The following PARD3B variants were observed in gnomAD, a reference collection of about 807,000 sequenced individuals.
PARD3B encodes the protein par-3 family cell polarity regulator beta.
Under a neutral mutation model 130.2 loss-of-function variants are expected in PARD3B, and 103 were observed. The observed-to-expected ratio is 0.79, with a 90% CI of 0.67 to 0.93. PARD3B has a LOEUF of 0.93. PARD3B is among the 40% of genes least tolerant of loss of function. The probability of loss-of-function intolerance (pLI) is 0.00; values close to 1 mark genes in which losing one functional copy is unlikely to be tolerated. For missense variants in PARD3B, 1,609 were observed against 1,499.2 expected (o/e 1.07, Z -1.21); for synonymous variants, 583 against 553.2 (o/e 1.05, Z -0.76).
intron 18 of PARD3B, among the ~76,000 whole-genome samples, chr2:205,395,115 G>A (rs1314950224): frequency 6.6e-6 from 1 of 152,068 alleles, no homozygotes; most frequent in East Asian, 1.9e-4. Flanking sequence ...TATGGTATAA[G>A]CCAAATTGAA....
chr2:204,553,685 TATATATATATAC>T (rs1255573871), intron 1 of PARD3B, among the ~76,000 whole-genome samples: 27 of 77,844 alleles, frequency 3.5e-4, no homozygotes, highest in African/African-American at 1.3e-3. Context: ...TATATATATA[TATATATATATAC>T]ACACATATAT....
chr2:205,453,726 A>G (rs891984672), intron 20 of PARD3B, among the ~76,000 whole-genome samples: 6 of 152,334 alleles, frequency 3.9e-5, no homozygotes, highest in African/African-American at 1.2e-4. Flanking sequence ...AGTGTGATCA[A>G]TGAATATTTG....
intron 2 of PARD3B, among the ~76,000 whole-genome samples, chr2:204,885,780 T>C (rs983306953): frequency 3.9e-5 from 6 of 152,202 alleles, no homozygotes; most frequent in Admixed American, 3.9e-4. Flanking sequence ...CAAAGTTAAA[T>C]GGTGATAACC....
chr2:205,438,009 C>T (rs1177014659), intron 19 of PARD3B, among the ~76,000 whole-genome samples: 2 of 151,992 alleles, frequency 1.3e-5, no homozygotes, highest in African/African-American at 4.8e-5. Flanking sequence ...GTCTCTTCTG[C>T]CACCATACAC....
intron 2 of PARD3B, among the ~76,000 whole-genome samples, chr2:204,927,026 C>G (rs990830714): frequency 2.6e-5 from 4 of 151,946 alleles, no homozygotes; most frequent in African/African-American, 9.7e-5. Context: ...TGATACCCCC[C>G]CAAAAAGAAA....
chr2:205,193,584 C>G (rs2036510920), intron 15 of PARD3B, among the ~76,000 whole-genome samples: 1 of 152,180 alleles, frequency 6.6e-6, no homozygotes, highest in East Asian at 1.9e-4. Context: ...AAAAATGATT[C>G]CTTCTGGAGG....
At position 205,427,600 on chromosome 2, in the gene PARD3B, C is replaced by CT. The variant is rs962015775; in HGVS notation, c.2742-12763dup. Among the ~76,000 whole-genome samples, 5 of 152,006 alleles carry CT rather than the reference C, an allele frequency of 3.3e-5. No homozygotes were observed. In the South Asian group the frequency reaches 8.3e-4, roughly 25 times the overall value. On this transcript the variant is annotated intron_variant, in intron 19 of 22. Transcript: ENST00000406610. ...GCATCTAAATATATAAACATGCTTG[C>CT]TTTTTTTAAAGAAACAAATATAGTT...
At chr2:204,633,758 G>C (rs956552570) in intron 1 of PARD3B, among the ~76,000 whole-genome samples, 1 of 152,162 alleles carries the variant, frequency 6.6e-6, no homozygotes, top group African/African-American at 2.4e-5. Context: ...GTTGCAGTGA[G>C]CTGAGATCAT....
chr2:204,675,672 G>T lies in PARD3B; in HGVS notation c.121-10509G>T, dbSNP rs1023807373. Among the ~76,000 whole-genome samples, 1 of 152,074 alleles carries T rather than the reference G, an allele frequency of 6.6e-6. No homozygotes were observed. Among genetic ancestry groups the T allele is most frequent in the South Asian group, 2.1e-4 (1 of 4,812 alleles). ...TAAAGCCCTTTATATAAAGAAAACC[G>T]CTGAGATTATAGTTACTTCACAAAG... On this transcript the variant is annotated intron_variant, in intron 1 of 22. Coordinates refer to ENST00000406610, the MANE Select transcript of PARD3B (RefSeq NM_001302769.2). This position sits in a 1 kb window ranked among gnomAD's most constrained non-coding sequence, Gnocchi z 4.4.
chr2:205,210,146 G>T (rs1006318271), intron 15 of PARD3B, among the ~76,000 whole-genome samples: 1 of 151,760 alleles, frequency 6.6e-6, no homozygotes, highest in Admixed American at 6.6e-5. Flanking sequence ...TGGGAGGATC[G>T]TTTCACCCTG....
In PARD3B at chr2:205,301,986, G is replaced by A; in HGVS notation, c.2630+285G>A. On this transcript the variant is annotated intron_variant, in intron 18 of 22. Transcript: ENST00000406610. This position sits in a 1 kb window ranked among gnomAD's most constrained non-coding sequence, Gnocchi z 5.2. ...TAATCTCAGTACTTTGGGAGGCTGG[G>A]AGGATTGCTTGAGCCCAAGAGTTCA... is the stretch of plus-strand genomic sequence containing the variant. 4.4e-6 allele frequency: 3 copies of A among 681,672 alleles called. No individual in the cohort carries two copies. The highest frequency in any genetic ancestry group is 8.0e-6 in the Non-Finnish European group (3 of 373,570). 42.2% of individuals were successfully genotyped at this position (681,672 alleles called of 1,614,324 possible). A position where few individuals can be genotyped will look rare whatever the true frequency, so the allele number is the denominator to read the frequency against.
intron 21 of PARD3B, among the ~76,000 whole-genome samples, chr2:205,502,115 C>T (rs149828292): frequency 6.6e-5 from 10 of 152,280 alleles, no homozygotes; most frequent in African/African-American, 1.4e-4. Context: ...CCTCTCCCCA[C>T]GCCAAGGAAA....
At position 204,989,639 on chromosome 2, in the gene PARD3B, A is replaced by G. The variant is rs145888126; in HGVS notation, c.394+24316A>G. ...CTTTGCTTTTCTTTATAATTTTACC[A>G]TGAATTTTCATATCTCTATGGAGTT... On this transcript the variant is annotated intron_variant, in intron 3 of 22. Transcript: ENST00000406610. 8.3e-3 allele frequency among the ~76,000 whole-genome samples: 1,267 copies of G among 152,148 alleles called. 19 individuals are homozygous for G. Among genetic ancestry groups the G allele is most frequent in the African/African-American group, 0.029 (1,215 of 41,512 alleles).
In PARD3B at chr2:205,446,896, A is replaced by C. The variant is rs1014441877; in HGVS notation, c.3044+6224A>C. 1.3e-5 allele frequency among the ~76,000 whole-genome samples: 2 copies of C among 152,188 alleles called. No individual in the cohort carries two copies. Among genetic ancestry groups the C allele is most frequent in the Non-Finnish European group, 2.9e-5 (2 of 68,022 alleles). ...AAAACTTTATGTCTGGATGAGGACA[A>C]AACAGTTCCAAATAGGGGGCTAGAA... On this transcript the variant is annotated intron_variant, in intron 20 of 22. Coordinates refer to ENST00000406610, the MANE Select transcript of PARD3B (RefSeq NM_001302769.2). The surrounding 1 kb of genome is among the most constrained non-coding windows in gnomAD (Gnocchi z 4.4).
chr2:205,091,489 G>C lies in PARD3B; in HGVS notation c.505-12937G>C, dbSNP rs1178615039. ...CTCCCCACATTCACTCAGGCTTGTT[G>C]TTGTTGTTTCTAGCAACCACCACCT... is the stretch of plus-strand genomic sequence containing the variant. On this transcript the variant is annotated intron_variant, in intron 4 of 22. Coordinates refer to ENST00000406610, the MANE Select transcript of PARD3B (RefSeq NM_001302769.2). This position sits in a 1 kb window ranked among gnomAD's most constrained non-coding sequence, Gnocchi z 4.2. Among the ~76,000 whole-genome samples the C allele has an allele frequency of 6.6e-6, 1 of 152,106 alleles. No individual in the cohort carries two copies. The highest frequency in any genetic ancestry group is 1.9e-4 in the East Asian group (1 of 5,198).
At chr2:205,251,626 T>C (rs2039853928) in intron 16 of PARD3B, among the ~76,000 whole-genome samples, 1 of 152,180 alleles carries the variant, frequency 6.6e-6, no homozygotes, top group African/African-American at 2.4e-5. Context: ...CATACTTTTA[T>C]AGAATATTAA....
At chr2:205,376,465 A>G (rs1559716874) in intron 18 of PARD3B, among the ~76,000 whole-genome samples, 1 of 152,186 alleles carries the variant, frequency 6.6e-6, no homozygotes, top group Non-Finnish European at 1.5e-5. Context: ...TGAGGATGGG[A>G]GAAGCCCAAG....
At chr2:204,909,696 C>T (rs2047164884) in intron 2 of PARD3B, among the ~76,000 whole-genome samples, 1 of 152,050 alleles carries the variant, frequency 6.6e-6, no homozygotes, top group Non-Finnish European at 1.5e-5. Context: ...ACAGGGTTGG[C>T]ATGGGGTCAT....
At chr2:205,226,135 G>A (rs1421315605) in intron 15 of PARD3B, among the ~76,000 whole-genome samples, 8 of 152,244 alleles carry the variant, frequency 5.3e-5, no homozygotes, top group East Asian at 1.9e-4. Context: ...TCCGCCTCCC[G>A]GGTTCACACC....
Sources: allele counts gnomAD v4.1 joint callset (sites outside exome capture counted in the v4.1 genomes callset), GRCh38; gene constraint gnomAD v4.1.1; non-coding constraint Gnocchi (gnomAD v3.1); transcripts MANE v1.5; gene names NCBI Gene and HGNC (gene_info 2026-07-23, HGNC 2026-07-21).